STK32B: variants seen among roughly 807,000 people sequenced by gnomAD.
STK32B encodes serine/threonine-protein kinase 32B.
STK32B carries 43 observed loss-of-function variants against 52.6 expected under a neutral mutation model. The ratio of observed to expected loss-of-function variants is 0.82; its 90% CI spans 0.64 to 1.05. The LOEUF (loss-of-function observed/expected upper bound fraction) is 1.05, where lower values mean the gene tolerates loss of function less well. STK32B is among the 50% of genes least tolerant of loss of function. The probability of loss-of-function intolerance (pLI) is 0.00; values close to 1 mark genes in which losing one functional copy is unlikely to be tolerated. For synonymous variants in STK32B, 238 were observed against 204.3 expected, an observed-to-expected ratio of 1.17 and a Z score of -1.41; for missense variants, 621 against 534.6, an observed-to-expected ratio of 1.16 and a Z score of -1.59.
intron 3 of STK32B, among the ~76,000 whole-genome samples, chr4:5,307,638 A>G (rs1490803634): frequency 6.6e-6 from 1 of 150,390 alleles, no homozygotes; most frequent in Non-Finnish European, 1.5e-5. Context: ...TCTTCTGGCA[A>G]TTCATTTGGA....
In STK32B at chr4:5,467,092, G is replaced by A. The variant is rs186650715; in HGVS notation, c.1041+258G>A. ...TCTAAGGCAGGGGGAGGGACCCAGC[G>A]GTCCCACTGCGCCCTTGAGAAAGAT... On this transcript the variant is annotated intron_variant, in intron 10 of 11. Coordinates refer to ENST00000282908, the MANE Select transcript of STK32B (RefSeq NM_018401.3). This position sits in a 1 kb window ranked among gnomAD's most constrained non-coding sequence, Gnocchi z 5.8. Among the ~76,000 whole-genome samples, 18 of 152,170 alleles carry A rather than the reference G, an allele frequency of 1.2e-4. No homozygotes were observed. The highest frequency in any genetic ancestry group is 7.8e-4 in the East Asian group (4 of 5,154).
In STK32B at chr4:5,386,432, G is replaced by C. The variant is rs1736261940; in HGVS notation, c.435-11775G>C. ...GTAGAAGCAGGAAAAGGTAATTCTTGATGGTCCAAGAGCACTGGCCATGGA... is the reference window on the plus strand; with the variant it reads ...GTAGAAGCAGGAAAAGGTAATTCTTCATGGTCCAAGAGCACTGGCCATGGA... On this transcript the variant is annotated intron_variant, in intron 4 of 11. Transcript: ENST00000282908. This position sits in a 1 kb window ranked among gnomAD's most constrained non-coding sequence, Gnocchi z 4.5. Among the ~76,000 whole-genome samples the C allele has an allele frequency of 6.6e-6, 1 of 152,116 alleles. No individual in the cohort carries two copies. Among genetic ancestry groups the C allele is most frequent in the Admixed American group, 6.5e-5 (1 of 15,280 alleles).
intron 3 of STK32B, among the ~76,000 whole-genome samples, chr4:5,196,333 A>ATTTTT (rs1721654745): frequency 6.5e-5 from 4 of 61,984 alleles, no homozygotes; most frequent in Admixed American, 2.2e-4. Flanking sequence ...TTCTTTCTTC[A>ATTTTT]GTTTTTTTTT....
At chr4:5,271,570 A>C (rs1727434650) in intron 3 of STK32B, among the ~76,000 whole-genome samples, 1 of 148,630 alleles carries the variant, frequency 6.7e-6, no homozygotes, top group Non-Finnish European at 1.5e-5. Context: ...TGGGGATGGC[A>C]TTGAATCTGT....
intron 3 of STK32B, among the ~76,000 whole-genome samples, chr4:5,218,161 T>G (rs572651859): frequency 6.6e-6 from 1 of 152,154 alleles, no homozygotes; most frequent in African/African-American, 2.4e-5. Context: ...TGCATGCCAC[T>G]GGTAACACAG....
At chr4:5,049,747 CA>C (rs1233955100), upstream of STK32B, among the ~76,000 whole-genome samples, 31 of 147,798 alleles carry the variant, frequency 2.1e-4, no homozygotes, top group Middle Eastern at 3.5e-3. Context: ...CAATCACACC[CA>C]GCTAAGTTTT....
chr4:5,331,324 C>G lies in STK32B; in HGVS notation c.365C>G (p.Thr122Ser). Residue 122 changes from threonine to serine, a missense_variant, in exon 4 of 12, where the codon ACT (threonine) becomes AGT (serine). Transcript: ENST00000282908. ...CAGAATGTGCATTTCACAGAGGGGA[C>G]TGTGAAACTCTACATCTGTGAGCTG... ...LQQNVHFTEG[T>S]VKLYICELAL... 1.9e-6 allele frequency: 3 copies of G among 1,613,958 alleles called. No homozygotes were observed. The African/African-American group carries it at 4.0e-5, about 22-fold the overall frequency.
intron 1 of STK32B, among the ~76,000 whole-genome samples, chr4:5,089,465 C>CT (rs1225956806): frequency 6.6e-6 from 1 of 152,150 alleles, no homozygotes; most frequent in African/African-American, 2.4e-5. Context: ...TGTTAGTTTG[C>CT]TGAGGATGAT....
chr4:5,235,904 C>T (rs138905200), intron 3 of STK32B, among the ~76,000 whole-genome samples: 1 of 152,144 alleles, frequency 6.6e-6, no homozygotes. Context: ...CAGCTTCCTG[C>T]CCATCACTTA....
At chr4:5,464,919 TG>T (rs962384245) in intron 9 of STK32B, among the ~76,000 whole-genome samples, 2 of 152,166 alleles carry the variant, frequency 1.3e-5, no homozygotes, top group African/African-American at 4.8e-5. Flanking sequence ...GACCTGGGCC[TG>T]AGATTCAACT....
At chr4:5,285,487 A>T (rs2108876380) in intron 3 of STK32B, among the ~76,000 whole-genome samples, 1 of 152,338 alleles carries the variant, frequency 6.6e-6, no homozygotes, top group Middle Eastern at 3.4e-3. Context: ...ACATAATAGG[A>T]TAGAAAAAGA....
chr4:5,482,764 A>G lies in STK32B; in HGVS notation c.1106+14694A>G, dbSNP rs867518260. Among the ~76,000 whole-genome samples, 16 of 152,324 alleles carry G rather than the reference A, an allele frequency of 1.1e-4. No homozygotes were observed. In the Middle Eastern group the frequency reaches 0.014, roughly 130 times the overall value. ...TTATTATTTTGAGATATGTCCCATC[A>G]ATACCTAATTCATTAAGAGTTTTCA... On this transcript the variant is annotated intron_variant, in intron 11 of 11. Transcript: ENST00000282908.
chr4:5,206,455 C>T (rs1577193310), intron 3 of STK32B, among the ~76,000 whole-genome samples: 1 of 152,194 alleles, frequency 6.6e-6, no homozygotes, highest in East Asian at 1.9e-4. Flanking sequence ...GCGGTTATTG[C>T]ATGGAGAGAT....
At chr4:5,300,645 C>T (rs1308384889) in intron 3 of STK32B, among the ~76,000 whole-genome samples, 3 of 152,108 alleles carry the variant, frequency 2.0e-5, no homozygotes, top group South Asian at 2.1e-4. Context: ...CCACTAATAA[C>T]ATTCAAGATG....
At chr4:5,235,418 A>G (rs1430165637) in intron 3 of STK32B, among the ~76,000 whole-genome samples, 1 of 152,154 alleles carries the variant, frequency 6.6e-6, no homozygotes, top group East Asian at 1.9e-4. Context: ...AAAGAGAATG[A>G]CAATGGCGTG....
chr4:5,406,346 G>A (rs1332225959), intron 5 of STK32B, among the ~76,000 whole-genome samples: 1 of 152,180 alleles, frequency 6.6e-6, no homozygotes, highest in Non-Finnish European at 1.5e-5. Flanking sequence ...GGTGCACGGT[G>A]CAAGCTGTTG....
At chr4:5,421,616 A>G (rs774839532) in intron 6 of STK32B, among the ~76,000 whole-genome samples, 2 of 152,178 alleles carry the variant, frequency 1.3e-5, no homozygotes, top group Non-Finnish European at 2.9e-5. Context: ...CAAAGGCTCT[A>G]CTGGGGCTTC....
intron 7 of STK32B, among the ~76,000 whole-genome samples, chr4:5,455,400 GA>G (rs141906345): frequency 1.8e-3 from 279 of 152,352 alleles, no homozygotes; most frequent in African/African-American, 6.5e-3. Context: ...AGTGCAAGCG[GA>G]TCATGCTTCT....
chr4:5,067,065 T>C (rs759798713), intron 1 of STK32B, among the ~76,000 whole-genome samples: 1 of 152,202 alleles, frequency 6.6e-6, no homozygotes, highest in Non-Finnish European at 1.5e-5. Flanking sequence ...AGAAGCTTAA[T>C]GGACTCACAG....
Sources: gnomAD v4.1 joint callset for allele counts (sites outside exome capture counted in the v4.1 genomes callset) on GRCh38, gnomAD v4.1.1 for gene constraint, Gnocchi (gnomAD v3.1) non-coding constraint, MANE v1.5 for transcripts, NCBI Gene and HGNC (gene_info 2026-07-23, HGNC 2026-07-21) for gene names.